SIK2: variants seen among roughly 807,000 people sequenced by gnomAD.
SIK2 encodes the protein serine/threonine-protein kinase SIK2.
Under a neutral mutation model 103.2 loss-of-function variants are expected in SIK2, and 29 were observed. The observed-to-expected ratio is 0.28, with a 90% CI of 0.21 to 0.38. The LOEUF (loss-of-function observed/expected upper bound fraction) is 0.38. Among genes scored for constraint, SIK2 ranks in the 10% least tolerant of loss-of-function variants. The probability of loss-of-function intolerance (pLI) is 1.00; values close to 1 mark genes in which losing one functional copy is unlikely to be tolerated. For missense variants in SIK2, 879 were observed against 1,171.0 expected, an observed-to-expected ratio of 0.75 and a Z score of 3.64; for synonymous variants, 412 against 446.1, an observed-to-expected ratio of 0.92 and a Z score of 0.96.
chr11:111,622,267 TTTTTTTGA>T, intron 3 of SIK2, among the ~76,000 whole-genome samples: 1 of 136,128 alleles, frequency 7.3e-6, no homozygotes, highest in Non-Finnish European at 1.6e-5. Flanking sequence ...TTTTTTTTTT[TTTTTTTGA>T]GGCAGAGTCT....
intron 7 of SIK2, among the ~76,000 whole-genome samples, chr11:111,704,202 T>A (rs1943284502): frequency 6.6e-6 from 1 of 152,174 alleles, no homozygotes; most frequent in Non-Finnish European, 1.5e-5. Context: ...TCTGTACTTG[T>A]CCATGAAGTG....
intron 3 of SIK2, among the ~76,000 whole-genome samples, chr11:111,680,071 G>A (rs371474839): frequency 6.6e-6 from 1 of 150,884 alleles, no homozygotes; most frequent in Admixed American, 6.6e-5. Flanking sequence ...GCAGTGAGCC[G>A]AGATCACACC....
At position 111,722,312 on chromosome 11, in the gene SIK2, G is replaced by A. The variant is rs1166039198; in HGVS notation, c.2056-353G>A. ...TGTTGGTGCATAAAAATCTTAAAAA[G>A]CGATAAAGCATAGATCCCGTAAAGG... On this transcript the variant is annotated intron_variant, in intron 13 of 14. Coordinates refer to ENST00000304987, the MANE Select transcript of SIK2 (RefSeq NM_015191.3). The surrounding 1 kb of genome is among the most constrained non-coding windows in gnomAD (Gnocchi z 4.4). Among the ~76,000 whole-genome samples, 1 of 152,190 alleles carries A rather than the reference G, an allele frequency of 6.6e-6. No individual in the cohort carries two copies. Among genetic ancestry groups the A allele is most frequent in the African/African-American group, 2.4e-5 (1 of 41,446 alleles).
At chr11:111,659,364 G>A (rs1027498030) in intron 3 of SIK2, among the ~76,000 whole-genome samples, 4 of 152,074 alleles carry the variant, frequency 2.6e-5, no homozygotes, top group African/African-American at 9.7e-5. Flanking sequence ...GAACACACAC[G>A]CAACCCAACT....
chr11:111,727,118 T>C lies in SIK2; in HGVS notation c.*2989T>C, dbSNP rs531301993. On this transcript the variant is annotated 3_prime_UTR_variant, in exon 15 of 15. Coordinates refer to ENST00000304987, the MANE Select transcript of SIK2 (RefSeq NM_015191.3). The stretch of plus-strand genomic sequence containing the variant: ...AGGGGGCCCACTTTCACATTCCCGG[T>C]GACACTGACCGTCCCCAGCTGCCCC... The C allele has an allele frequency of 2.0e-5, 29 of 1,448,868 alleles. No homozygotes were observed. In the East Asian group the frequency reaches 5.7e-4, roughly 28 times the overall value. The allele number at this position is 1,448,868 out of a possible 1,614,324, so 89.8% of individuals were successfully genotyped here.
At chr11:111,699,087 G>A (rs1943150254) in intron 4 of SIK2, among the ~76,000 whole-genome samples, 1 of 152,184 alleles carries the variant, frequency 6.6e-6, no homozygotes, top group South Asian at 2.1e-4. Flanking sequence ...TCATAGAGGT[G>A]GTACTGTGAA....
chr11:111,645,416 C>T (rs1014301103), intron 3 of SIK2, among the ~76,000 whole-genome samples: 1 of 152,162 alleles, frequency 6.6e-6, no homozygotes, highest in African/African-American at 2.4e-5. Flanking sequence ...CTCGTAAAAA[C>T]ATATTGTTGA....
In SIK2 at chr11:111,730,152, T is replaced by C. The variant is rs749913346; in HGVS notation, c.*6023T>C. The C allele has an allele frequency of 7.2e-5, 11 of 152,250 alleles. No homozygotes were observed. The highest frequency in any genetic ancestry group is 1.5e-4 in the Non-Finnish European group (10 of 68,040). The allele number at this position is 152,250 out of a possible 1,614,324, so 9.4% of individuals were successfully genotyped here. A position where few individuals can be genotyped will look rare whatever the true frequency, so the allele number is the denominator to read the frequency against. On this transcript the variant is annotated 3_prime_UTR_variant, in exon 15 of 15. Transcript: ENST00000304987. ...CAGACTTTGACTTAATACTCTGTCT[T>C]TTCAGAGGCAAAGTGGGTGGGTAGA...
intron 1 of SIK2, among the ~76,000 whole-genome samples, chr11:111,612,915 G>GAT (rs67675103): frequency 0.015 from 733 of 49,912 alleles, 9 homozygotes; most frequent in African/African-American, 0.03. Flanking sequence ...ATAGCAATGG[G>GAT]ATATATATAT....
chr11:111,622,660 A>T lies in SIK2; in HGVS notation c.316+2258A>T, dbSNP rs536531154. ...TCTTTATTTTTGTCTTTGTTTTTGA[A>T]AGATATTTGTACTAGGTATAGAATT... On this transcript the variant is annotated intron_variant, in intron 3 of 14. Transcript: ENST00000304987. Among the ~76,000 whole-genome samples, 130 of 152,268 alleles carry T rather than the reference A, an allele frequency of 8.5e-4. 1 individual carries two copies. Among genetic ancestry groups the T allele is most frequent in the Middle Eastern group, 3.4e-3 (1 of 294 alleles).
intron 3 of SIK2, among the ~76,000 whole-genome samples, chr11:111,638,874 GTTTTT>G (rs1228867672): frequency 6.6e-6 from 1 of 151,570 alleles, no homozygotes; most frequent in Non-Finnish European, 1.5e-5. Context: ...TGTTGTTGTT[GTTTTT>G]TTGTTTTGTT....
rs1043271370 is a variant in SIK2, at chr11:111,688,198, A to C, written c.478+36A>C. On this transcript the variant is annotated intron_variant, in intron 4 of 14. Coordinates refer to ENST00000304987, the MANE Select transcript of SIK2 (RefSeq NM_015191.3). This position sits in a 1 kb window ranked among gnomAD's most constrained non-coding sequence, Gnocchi z 4.2. Reference sequence around the variant, plus strand: ...CACAACTGGCTCTAATAAGATCCGAAGTGAGCCACTGCACTCAGTGTGTGG... The same window carrying C: ...CACAACTGGCTCTAATAAGATCCGACGTGAGCCACTGCACTCAGTGTGTGG... 5.0e-6 allele frequency: 8 copies of C among 1,609,206 alleles called. No individual in the cohort carries two copies. The highest frequency in any genetic ancestry group is 1.6e-4 in the Middle Eastern group (1 of 6,072).
chr11:111,663,810 T>C (rs1211455241), intron 3 of SIK2, among the ~76,000 whole-genome samples: 1 of 152,224 alleles, frequency 6.6e-6, no homozygotes, highest in Non-Finnish European at 1.5e-5. Flanking sequence ...CTCCAGATTT[T>C]AAGTGTTTAA....
At chr11:111,668,609 T>C (rs1942581956) in intron 3 of SIK2, among the ~76,000 whole-genome samples, 2 of 152,218 alleles carry the variant, frequency 1.3e-5, no homozygotes, top group African/African-American at 4.8e-5. Context: ...TCCGATCATA[T>C]GGGAGCTTAT....
intron 3 of SIK2, chr11:111,683,345 C>T (rs1471035196): frequency 1.3e-5 from 2 of 152,168 alleles, no homozygotes; most frequent in Non-Finnish European, 2.9e-5. Context: ...CAAACAAGCT[C>T]TCAAGAATAC....
rs1278934169 is a variant in SIK2, at chr11:111,726,984, A to G, written c.*2855A>G. On this transcript the variant is annotated 3_prime_UTR_variant, in exon 15 of 15. Coordinates refer to ENST00000304987, the MANE Select transcript of SIK2 (RefSeq NM_015191.3). ...GGGGTATTAGTCTGTGCTTTGGGAG[A>G]AATGCACTAGCTCTGCAATTCCCAG... 2 of 1,613,698 alleles carry G rather than the reference A, an allele frequency of 1.2e-6. No homozygotes were observed. Among genetic ancestry groups the G allele is most frequent in the East Asian group, 4.5e-5 (2 of 44,876 alleles).
chr11:111,677,464 C>T (rs1303649723), intron 3 of SIK2, among the ~76,000 whole-genome samples: 1 of 152,030 alleles, frequency 6.6e-6, no homozygotes, highest in Non-Finnish European at 1.5e-5. Context: ...GCCACCCAGG[C>T]TGGAGTGCAG....
chr11:111,608,263 A>T (rs895492366), intron 1 of SIK2, among the ~76,000 whole-genome samples: 3 of 152,234 alleles, frequency 2.0e-5, no homozygotes, highest in South Asian at 2.1e-4. Flanking sequence ...ACTTCATTTT[A>T]AAAAAATTTT....
chr11:111,712,228 C>T lies in SIK2; in HGVS notation c.1119C>T (p.Leu373=), dbSNP rs1943516700. ...ATTTACAGGCACAGACTGTGGGGCT[C>T]CCAGTGACCATGCATTCACCGAACA... ...QTVAKAQTVG[L]PVTMHSPNMR... The change falls in exon 9 of 15, where the codon CTC becomes CTT. Residue 373 remains leucine (L), a synonymous_variant. Transcript: ENST00000304987. The T allele has an allele frequency of 6.2e-7, 1 of 1,614,064 alleles. No individual in the cohort carries two copies. Among genetic ancestry groups the T allele is most frequent in the Non-Finnish European group, 8.5e-7 (1 of 1,180,050 alleles).
Sources: allele counts gnomAD v4.1 joint callset (sites outside exome capture counted in the v4.1 genomes callset), GRCh38; gene constraint gnomAD v4.1.1; non-coding constraint Gnocchi (gnomAD v3.1); transcripts MANE v1.5; gene names NCBI Gene and HGNC (gene_info 2026-07-23, HGNC 2026-07-21).